KAZN: variants seen among roughly 807,000 people sequenced by gnomAD.
The protein encoded by KAZN is kazrin.
Under a neutral mutation model 87.4 loss-of-function variants are expected in KAZN, and 40 were observed. The ratio of observed to expected loss-of-function variants is 0.46; its 90% CI spans 0.36 to 0.60. The LOEUF (loss-of-function observed/expected upper bound fraction) is 0.60, where lower values mean the gene tolerates loss of function less well. KAZN is among the 20% of genes least tolerant of loss of function. The probability of loss-of-function intolerance (pLI) is 0.00; values close to 1 mark genes in which losing one functional copy is unlikely to be tolerated. For synonymous variants in KAZN, 466 were observed against 458.3 expected (o/e 1.02, Z -0.22); for missense variants, 898 against 1,073.9 (o/e 0.84, Z 2.29).
At chr1:14,439,464 T>C (rs528645944) in intron 2 of KAZN, among the ~76,000 whole-genome samples, 5 of 152,308 alleles carry the variant, frequency 3.3e-5, no homozygotes, top group Non-Finnish European at 4.4e-5. Context: ...ATGTCTCTTC[T>C]CTGCTCAAAC....
At chr1:14,574,755 G>T (rs933644769) in intron 2 of KAZN, among the ~76,000 whole-genome samples, 1 of 152,174 alleles carries the variant, frequency 6.6e-6, no homozygotes, top group East Asian at 1.9e-4. Context: ...GCATGCAAAG[G>T]TAAGAGAGGT....
At chr1:14,239,503 C>T (rs188205107) in intron 2 of KAZN, among the ~76,000 whole-genome samples, 3 of 135,930 alleles carry the variant, frequency 2.2e-5, no homozygotes, top group Non-Finnish European at 4.6e-5. Context: ...TCTTGTTGCC[C>T]AGGCTGGAGT....
At chr1:14,632,319 G>T (rs1253973247) in intron 1 of KAZN, among the ~76,000 whole-genome samples, 3 of 152,136 alleles carry the variant, frequency 2.0e-5, no homozygotes, top group Admixed American at 6.5e-5. Flanking sequence ...TTCATGGTTG[G>T]TTTTTAAGGG....
intron 1 of KAZN, among the ~76,000 whole-genome samples, chr1:14,673,961 G>T (rs1640067913): frequency 6.6e-6 from 1 of 152,160 alleles, no homozygotes; most frequent in South Asian, 2.1e-4. Flanking sequence ...CTGCAGTGAT[G>T]CCCAGGGATG....
chr1:15,110,283 T>TTG (rs201238142), intron 13 of KAZN, among the ~76,000 whole-genome samples: 94 of 150,760 alleles, frequency 6.2e-4, no homozygotes, highest in African/African-American at 2.2e-3. Flanking sequence ...GTGTGTATGT[T>TTG]TGTGTGTGTG....
intron 1 of KAZN, among the ~76,000 whole-genome samples, chr1:14,792,026 C>A (rs1228400980): frequency 6.6e-6 from 1 of 152,118 alleles, no homozygotes; most frequent in Non-Finnish European, 1.5e-5. Context: ...TTTCATGTTC[C>A]CCCTGCTTCT....
At chr1:14,625,146 C>T (rs2148648920) in intron 1 of KAZN, among the ~76,000 whole-genome samples, 1 of 152,194 alleles carries the variant, frequency 6.6e-6, no homozygotes, top group East Asian at 1.9e-4. Flanking sequence ...AGCAGCGGTA[C>T]CCAGGGTGAT....
At chr1:14,690,933 A>G (rs1641253339) in intron 1 of KAZN, among the ~76,000 whole-genome samples, 1 of 152,160 alleles carries the variant, frequency 6.6e-6, no homozygotes, top group East Asian at 1.9e-4. Context: ...CTAATTTTGC[A>G]GATTCATTTG....
chr1:14,650,032 CTTTTTTT>C (rs34399319), intron 1 of KAZN, among the ~76,000 whole-genome samples: 6,034 of 88,438 alleles, frequency 0.068, 178 homozygotes, highest in Middle Eastern at 0.11. Flanking sequence ...CTCCACCCAT[CTTTTTTT>C]TTTTTTTTTT....
chr1:14,466,947 C>T (rs957569824), intron 2 of KAZN, among the ~76,000 whole-genome samples: 15 of 152,082 alleles, frequency 9.9e-5, no homozygotes, highest in East Asian at 5.8e-4. Context: ...CCAGCCTGGG[C>T]GACAGTGCAA....
chr1:14,394,782 G>C (rs1662754021), intron 2 of KAZN, among the ~76,000 whole-genome samples: 1 of 152,222 alleles, frequency 6.6e-6, no homozygotes. Flanking sequence ...GTTGAACGCA[G>C]TAAGAACTCT....
intron 1 of KAZN, among the ~76,000 whole-genome samples, chr1:13,970,655 G>T (rs564277403): frequency 5.3e-5 from 8 of 152,196 alleles, no homozygotes; most frequent in African/African-American, 1.7e-4. Flanking sequence ...TCTTTTAAGA[G>T]AATTCTATTT....
intron 1 of KAZN, among the ~76,000 whole-genome samples, chr1:14,078,097 G>C (rs1161139145): frequency 6.6e-6 from 1 of 152,146 alleles, no homozygotes; most frequent in African/African-American, 2.4e-5. Flanking sequence ...ATCGTTAAGG[G>C]GTTCATGTAT....
At chr1:14,495,820 T>C (rs1471004873) in intron 2 of KAZN, among the ~76,000 whole-genome samples, 2 of 152,134 alleles carry the variant, frequency 1.3e-5, no homozygotes, top group East Asian at 1.9e-4. Flanking sequence ...GTCTTGCCAG[T>C]TGATGCAAAA....
chr1:14,493,272 G>T (rs921413495), intron 2 of KAZN, among the ~76,000 whole-genome samples: 13 of 152,178 alleles, frequency 8.5e-5, no homozygotes, highest in African/African-American at 3.1e-4. Context: ...TGGAAACCAG[G>T]CACAACACAA....
chr1:14,522,621 G>C (rs1671646839), intron 2 of KAZN, among the ~76,000 whole-genome samples: 1 of 152,294 alleles, frequency 6.6e-6, no homozygotes, highest in East Asian at 1.9e-4. Flanking sequence ...AATGGGTGTT[G>C]ACGTGGACTG....
intron 2 of KAZN, among the ~76,000 whole-genome samples, chr1:14,514,865 T>C (rs1671221436): frequency 6.6e-6 from 1 of 151,990 alleles, no homozygotes; most frequent in African/African-American, 2.4e-5. Context: ...GACACTGTTT[T>C]GTGTTGATGG....
intron 1 of KAZN, among the ~76,000 whole-genome samples, chr1:14,644,206 T>C (rs1465164251): frequency 1.3e-5 from 2 of 151,676 alleles, no homozygotes; most frequent in Non-Finnish European, 2.9e-5. Flanking sequence ...GAGATGGGGT[T>C]TCACCATGTT....
chr1:13,974,562 G>T (rs896111699), intron 1 of KAZN, among the ~76,000 whole-genome samples: 1 of 152,126 alleles, frequency 6.6e-6, no homozygotes, highest in Non-Finnish European at 1.5e-5. Flanking sequence ...CCCTTATAAG[G>T]AACAATTTGG....
Sources: gnomAD v4.1 joint callset for allele counts (sites outside exome capture counted in the v4.1 genomes callset) on GRCh38, gnomAD v4.1.1 for gene constraint, MANE v1.5 for transcripts, NCBI Gene and HGNC (gene_info 2026-07-23, HGNC 2026-07-21) for gene names.